PRKN: variants seen among roughly 807,000 people sequenced by gnomAD.
PRKN encodes parkin RBR E3 ubiquitin protein ligase, also known as E3 ubiquitin-protein ligase parkin.
In PRKN, 56 loss-of-function variants were observed where a neutral mutation model predicts 59.5. That is an observed-to-expected ratio of 0.94 (90% confidence interval 0.76 to 1.18). The LOEUF (loss-of-function observed/expected upper bound fraction) is 1.18, where lower values mean the gene tolerates loss of function less well. PRKN is among the 50% of genes most tolerant of loss of function. The pLI is 0.00. For synonymous variants in PRKN, 250 were observed against 222.1 expected (o/e 1.13, Z -1.12); for missense variants, 657 against 596.4 (o/e 1.10, Z -1.06).
intron 9 of PRKN, among the ~76,000 whole-genome samples, chr6:161,408,224 G>T (rs910638131): frequency 2.0e-5 from 3 of 150,736 alleles, no homozygotes; most frequent in African/African-American, 4.9e-5. Flanking sequence ...ATTTACATAA[G>T]TCATGGCACA....
At chr6:161,889,998 C>T (rs1246016212) in intron 6 of PRKN, among the ~76,000 whole-genome samples, 5 of 152,202 alleles carry the variant, frequency 3.3e-5, no homozygotes, top group South Asian at 2.1e-4. Flanking sequence ...TACACGCATT[C>T]GAGGAGCAGC....
chr6:162,010,804 T>C (rs1167861216), intron 5 of PRKN, among the ~76,000 whole-genome samples: 1 of 11,164 alleles, frequency 9.0e-5, no homozygotes, highest in African/African-American at 7.2e-4. Context: ...ATATAATATA[T>C]ATTATATAAT....
chr6:161,814,169 G>T (rs1791671026), intron 6 of PRKN, among the ~76,000 whole-genome samples: 1 of 152,182 alleles, frequency 6.6e-6, no homozygotes. Context: ...TGGCTACACT[G>T]CTTTCTACTC....
intron 4 of PRKN, among the ~76,000 whole-genome samples, chr6:162,066,689 G>A (rs1038004956): frequency 2.6e-5 from 4 of 152,182 alleles, no homozygotes; most frequent in Non-Finnish European, 2.9e-5. Context: ...GCCTTGACCT[G>A]CTGGGGCCTT....
At chr6:161,791,851 T>C (rs543162692) in intron 6 of PRKN, among the ~76,000 whole-genome samples, 9 of 152,328 alleles carry the variant, frequency 5.9e-5, no homozygotes, top group African/African-American at 1.9e-4. Context: ...CCTCTCCACA[T>C]TGAATGGATT....
chr6:161,753,066 C>A (rs778565406), intron 7 of PRKN, among the ~76,000 whole-genome samples: 1 of 152,076 alleles, frequency 6.6e-6, no homozygotes, highest in African/African-American at 2.4e-5. Context: ...GTTTGAGATG[C>A]CTTTGAGAAT....
intron 6 of PRKN, among the ~76,000 whole-genome samples, chr6:161,865,222 A>C (rs1473164196): frequency 6.6e-6 from 1 of 152,170 alleles, no homozygotes; most frequent in Non-Finnish European, 1.5e-5. Flanking sequence ...TGGGCTTAAA[A>C]CATTGAGTAA....
At chr6:161,453,754 C>T (rs1402737725) in intron 9 of PRKN, among the ~76,000 whole-genome samples, 4 of 126,348 alleles carry the variant, frequency 3.2e-5, no homozygotes, top group African/African-American at 1.2e-4. Flanking sequence ...TTCCTCCCTT[C>T]CTTCCTTTCC....
chr6:162,036,303 A>C (rs149801155), intron 5 of PRKN, among the ~76,000 whole-genome samples: 1 of 151,796 alleles, frequency 6.6e-6, no homozygotes, highest in African/African-American at 2.4e-5. Flanking sequence ...CAGCCTGGGC[A>C]ACAGAGCGAG....
chr6:162,689,961 A>G (rs1777711447), intron 1 of PRKN, among the ~76,000 whole-genome samples: 1 of 152,182 alleles, frequency 6.6e-6, no homozygotes, highest in African/African-American at 2.4e-5. Context: ...ATAAATCAGA[A>G]GTCTTTATTC....
In PRKN at chr6:161,566,588, G is replaced by C. The variant is rs1780651710; in HGVS notation, c.933+2767C>G. Among the ~76,000 whole-genome samples the C allele has an allele frequency of 6.6e-6, 1 of 152,108 alleles. No homozygotes were observed. The highest frequency in any genetic ancestry group is 1.5e-5 in the Non-Finnish European group (1 of 68,010). On this transcript the variant is annotated intron_variant, in intron 8 of 11. Transcript: ENST00000366898. The surrounding 1 kb of genome is among the most constrained non-coding windows in gnomAD (Gnocchi z 4.1). ...CACCCAGCTAACTTCTGTATTTTTA[G>C]TAGAGACAGGGTTTCGCCATGTTGG...
rs372184805 is a variant in PRKN, at chr6:161,549,144, G to C, written c.934-141C>G. On this transcript the variant is annotated intron_variant, in intron 8 of 11. Coordinates refer to ENST00000366898, the MANE Select transcript of PRKN (RefSeq NM_004562.3). The surrounding 1 kb of genome is among the most constrained non-coding windows in gnomAD (Gnocchi z 6.0). ...TGTGTGTGTGTGTGTGTGTGTGTAG[G>C]GGGAGGGAGAGGGCCACGGGGTTGA... is the stretch of plus-strand genomic sequence containing the variant. 753 of 880,624 alleles carry C rather than the reference G, an allele frequency of 8.6e-4. 5 individuals are homozygous for C. The highest frequency in any genetic ancestry group is 5.0e-4 in the Non-Finnish European group (273 of 543,406). The allele number at this position is 880,624 out of a possible 1,614,324, so 54.6% of individuals were successfully genotyped here. A position where few individuals can be genotyped will look rare whatever the true frequency, so the allele number is the denominator to read the frequency against.
chr6:162,689,985 A>C (rs985840685), intron 1 of PRKN, among the ~76,000 whole-genome samples: 2 of 152,086 alleles, frequency 1.3e-5, no homozygotes, highest in Non-Finnish European at 2.9e-5. Flanking sequence ...ATATATGAGG[A>C]CTCAGAATAG....
At chr6:161,646,310 A>G (rs112348571) in intron 7 of PRKN, among the ~76,000 whole-genome samples, 1 of 68,922 alleles carries the variant, frequency 1.5e-5, no homozygotes, top group East Asian at 3.9e-4. Context: ...GAGGTGGCGT[A>G]TCAGTGACAG....
chr6:162,251,403 C>A (rs889630936), intron 3 of PRKN, among the ~76,000 whole-genome samples: 4 of 152,054 alleles, frequency 2.6e-5, no homozygotes, highest in Non-Finnish European at 4.4e-5. Flanking sequence ...CAAAGGGGAG[C>A]CCAGGTTATG....
intron 5 of PRKN, among the ~76,000 whole-genome samples, chr6:161,992,082 G>A (rs1583451243): frequency 6.6e-6 from 1 of 152,284 alleles, no homozygotes; most frequent in East Asian, 1.9e-4. Flanking sequence ...GCTCACGCCT[G>A]TAATCCCAGC....
intron 7 of PRKN, among the ~76,000 whole-genome samples, chr6:161,678,613 C>A (rs1013104955): frequency 6.9e-6 from 1 of 143,952 alleles, no homozygotes. Flanking sequence ...GCTCTCTCAC[C>A]CAGACTGGAG....
chr6:162,375,742 T>TACACACACAC (rs60180187), intron 2 of PRKN, among the ~76,000 whole-genome samples: 1,823 of 148,976 alleles, frequency 0.012, 19 homozygotes, highest in African/African-American at 0.03. Context: ...TATGGCTTTG[T>TACACACACAC]ACACACACAC....
At chr6:162,543,064 T>G (rs916206940) in intron 1 of PRKN, among the ~76,000 whole-genome samples, 1 of 152,146 alleles carries the variant, frequency 6.6e-6, no homozygotes, top group East Asian at 1.9e-4. Flanking sequence ...AGACAGTCAG[T>G]TGGTGTCCCC....
Sources: gnomAD v4.1 joint callset for allele counts (sites outside exome capture counted in the v4.1 genomes callset) on GRCh38, gnomAD v4.1.1 for gene constraint, Gnocchi (gnomAD v3.1) non-coding constraint, MANE v1.5 for transcripts, NCBI Gene and HGNC (gene_info 2026-07-23, HGNC 2026-07-21) for gene names.